Variants in CAMK1D observed in about 807,000 individuals in gnomAD.
The protein encoded by CAMK1D is calcium/calmodulin-dependent protein kinase type 1D.
A neutral mutation model predicts 47.7 loss-of-function variants in CAMK1D; 9 were observed. The observed-to-expected ratio is 0.19, with a 90% CI of 0.11 to 0.33. The LOEUF (loss-of-function observed/expected upper bound fraction) is 0.33, where lower values mean the gene tolerates loss of function less well. CAMK1D is among the 10% of genes least tolerant of loss of function. The pLI is 1.00. For missense variants in CAMK1D, 291 were observed against 488.7 expected, an observed-to-expected ratio of 0.60 and a Z score of 3.81; for synonymous variants, 184 against 184.9, an observed-to-expected ratio of 0.99 and a Z score of 0.04.
intron 1 of CAMK1D, among the ~76,000 whole-genome samples, chr10:12,546,815 T>TA (rs1554786119): frequency 4.2e-5 from 2 of 48,098 alleles, no homozygotes; most frequent in Admixed American, 4.0e-4. Context: ...TGTTGTGGGG[T>TA]GGGGGTGGGG....
chr10:12,812,674 G>C (rs1832654034), intron 6 of CAMK1D, among the ~76,000 whole-genome samples: 1 of 152,138 alleles, frequency 6.6e-6, no homozygotes, highest in African/African-American at 2.4e-5. Flanking sequence ...GGTTGTCGCA[G>C]CCCGAGAAGC....
rs538552402 is a variant in CAMK1D, at chr10:12,694,183, T to A, written c.299+27373T>A. ...TATTATGCATAATATATATTATATA[T>A]AATATAATATATATTATATATTATG... On this transcript the variant is annotated intron_variant, in intron 3 of 10. Transcript: ENST00000619168. Among the ~76,000 whole-genome samples the A allele has an allele frequency of 9.7e-4, 25 of 25,712 alleles. 6 individuals carry two copies. Among genetic ancestry groups the A allele is most frequent in the African/African-American group, 1.8e-3 (14 of 7,602 alleles). 16.9% of individuals were successfully genotyped at this position (25,712 alleles called of 152,430 possible). A position where few individuals can be genotyped will look rare whatever the true frequency, so the allele number is the denominator to read the frequency against.
chr10:12,619,359 T>G (rs1367660308), intron 2 of CAMK1D, among the ~76,000 whole-genome samples: 1 of 152,032 alleles, frequency 6.6e-6, no homozygotes, highest in African/African-American at 2.4e-5. Flanking sequence ...GGTACAATCA[T>G]GGCTTACTAC....
chr10:12,766,860 G>A (rs1836787882), intron 4 of CAMK1D, among the ~76,000 whole-genome samples: 1 of 152,144 alleles, frequency 6.6e-6, no homozygotes, highest in Admixed American at 6.5e-5. Context: ...GGGTGGGATA[G>A]ACAAGGCCAA....
At chr10:12,743,367 G>GAAAA (rs1406017878) in intron 3 of CAMK1D, among the ~76,000 whole-genome samples, 1 of 138,662 alleles carries the variant, frequency 7.2e-6, no homozygotes, top group Admixed American at 7.2e-5. Context: ...AAAGAAAAAA[G>GAAAA]AAAAAAAGAA....
chr10:12,404,700 T>A lies in CAMK1D; in HGVS notation c.92+54790T>A, dbSNP rs79708676. On this transcript the variant is annotated intron_variant, in intron 1 of 10. Transcript: ENST00000619168. The stretch of plus-strand genomic sequence containing the variant: ...CCAAGAAAACTGTGTTTTTAAAAAT[T>A]TTTTTTTTTTTTGAGATGGAGTCTC... Among the ~76,000 whole-genome samples, 1,479 of 149,158 alleles carry A rather than the reference T, an allele frequency of 9.9e-3. 25 individuals are homozygous for A. The highest frequency in any genetic ancestry group is 0.034 in the African/African-American group (1,387 of 40,948).
At chr10:12,822,749 C>T (rs572163341) in intron 8 of CAMK1D, among the ~76,000 whole-genome samples, 1 of 152,362 alleles carries the variant, frequency 6.6e-6, no homozygotes, top group Non-Finnish European at 1.5e-5. Context: ...GAATCACTCC[C>T]TTGGGCTCTC....
At chr10:12,482,520 T>G (rs1347086973) in intron 1 of CAMK1D, among the ~76,000 whole-genome samples, 1 of 152,202 alleles carries the variant, frequency 6.6e-6, no homozygotes, top group Non-Finnish European at 1.5e-5. Flanking sequence ...CTCGAAGCAG[T>G]GAATTCTTCT....
chr10:12,464,005 C>G (rs1306032599), intron 1 of CAMK1D, among the ~76,000 whole-genome samples: 1 of 152,170 alleles, frequency 6.6e-6, no homozygotes, highest in Non-Finnish European at 1.5e-5. Context: ...TTTCCCGAGG[C>G]CTCCCCAGCC....
chr10:12,413,663 A>G (rs1210518982), intron 1 of CAMK1D, among the ~76,000 whole-genome samples: 2 of 10,952 alleles, frequency 1.8e-4, no homozygotes, highest in Non-Finnish European at 3.7e-4. Context: ...GAAGTTGCTA[A>G]TTTGCTGGTG....
intron 2 of CAMK1D, among the ~76,000 whole-genome samples, chr10:12,603,565 C>T (rs774851331): frequency 2.0e-5 from 3 of 152,162 alleles, no homozygotes; most frequent in African/African-American, 7.2e-5. Context: ...CTGTGCTATT[C>T]GATGGAGTGG....
intron 8 of CAMK1D, among the ~76,000 whole-genome samples, chr10:12,821,353 G>A (rs1833004211): frequency 6.6e-6 from 1 of 152,228 alleles, no homozygotes; most frequent in African/African-American, 2.4e-5. Context: ...AAGTAGCCAA[G>A]TTCACATTCC....
intron 1 of CAMK1D, among the ~76,000 whole-genome samples, chr10:12,435,465 A>C (rs534251103): frequency 1.3e-5 from 2 of 152,152 alleles, no homozygotes; most frequent in South Asian, 4.1e-4. Flanking sequence ...ACCTTTGTGC[A>C]ACAGGCTGGA....
chr10:12,710,896 C>T (rs1282664872), intron 3 of CAMK1D, among the ~76,000 whole-genome samples: 1 of 152,012 alleles, frequency 6.6e-6, no homozygotes, highest in Non-Finnish European at 1.5e-5. Context: ...TTGCCTTTGA[C>T]ATTTGATCAA....
At chr10:12,372,636 C>G (rs1838037366) in intron 1 of CAMK1D, among the ~76,000 whole-genome samples, 1 of 152,118 alleles carries the variant, frequency 6.6e-6, no homozygotes, top group Admixed American at 6.6e-5. Context: ...ATTAATTAAT[C>G]GAGACAGGGT....
chr10:12,602,157 A>G (rs1160435474), intron 2 of CAMK1D, among the ~76,000 whole-genome samples: 5 of 152,252 alleles, frequency 3.3e-5, no homozygotes, highest in Non-Finnish European at 7.3e-5. Flanking sequence ...GCAAAGTTTG[A>G]TTACAGGAAA....
intron 2 of CAMK1D, among the ~76,000 whole-genome samples, chr10:12,586,045 A>G (rs942342615): frequency 1.3e-5 from 2 of 152,186 alleles, no homozygotes; most frequent in Non-Finnish European, 1.5e-5. Flanking sequence ...GGTCACTGCT[A>G]TGACAAACGG....
At chr10:12,665,378 G>A (rs1318993546) in intron 2 of CAMK1D, among the ~76,000 whole-genome samples, 2 of 152,214 alleles carry the variant, frequency 1.3e-5, no homozygotes, top group Non-Finnish European at 2.9e-5. Flanking sequence ...ACACATTTAG[G>A]AAAATGGTTT....
chr10:12,497,837 T>C (rs1834587898), intron 1 of CAMK1D, among the ~76,000 whole-genome samples: 1 of 152,194 alleles, frequency 6.6e-6, no homozygotes, highest in Non-Finnish European at 1.5e-5. Flanking sequence ...AATGTATTAG[T>C]TCATTTTCAT....
Sources: gnomAD v4.1 joint callset for allele counts (sites outside exome capture counted in the v4.1 genomes callset) on GRCh38, gnomAD v4.1.1 for gene constraint, MANE v1.5 for transcripts, NCBI Gene and HGNC (gene_info 2026-07-23, HGNC 2026-07-21) for gene names.